The following ZNF607 variants were observed in gnomAD, a reference collection of about 807,000 sequenced individuals.
The protein encoded by ZNF607 is zinc finger protein 607.
Under a neutral mutation model 12.8 loss-of-function variants are expected in ZNF607, and 5 were observed. That is an observed-to-expected ratio of 0.39 (90% CI 0.20 to 0.82). The LOEUF is 0.82. Among genes scored for constraint, ZNF607 ranks in the 40% least tolerant of loss-of-function variants. The pLI, the probability that ZNF607 is intolerant of heterozygous loss-of-function variation, is 0.39. For synonymous variants in ZNF607, 287 were observed against 276.2 expected, an observed-to-expected ratio of 1.04 and a Z score of -0.39; for missense variants, 851 against 859.2, an observed-to-expected ratio of 0.99 and a Z score of 0.12.
chr19:37,700,256 CT>C (rs772651502), intron 4 of ZNF607, among the ~76,000 whole-genome samples: 5 of 152,266 alleles, frequency 3.3e-5, no homozygotes, highest in South Asian at 2.1e-4. Context: ...ACCACACCCC[CT>C]GTATATAAAT....
intron 1 of ZNF607, among the ~76,000 whole-genome samples, chr19:37,713,050 T>C (rs1225669163): frequency 2.0e-5 from 3 of 152,016 alleles, no homozygotes; most frequent in East Asian, 1.9e-4. Context: ...GGATATCCTC[T>C]AGATAGCTGC....
intron 1 of ZNF607, among the ~76,000 whole-genome samples, chr19:37,715,861 A>G (rs2045172395): frequency 6.6e-6 from 1 of 152,194 alleles, no homozygotes; most frequent in Non-Finnish European, 1.5e-5. Flanking sequence ...AAATATTACC[A>G]TACTTGCAAG....
chr19:37,699,616 C>A lies in ZNF607; in HGVS notation c.515G>T (p.Cys172Phe). The change falls in exon 5 of 5, where the codon TGT becomes TTT. Residue 172 changes from cysteine to phenylalanine, a missense_variant. Transcript: ENST00000355202. ...KINAREKPYE[C>F]EECGKVFSYP... is the part of the protein sequence containing the mutation. The stretch of plus-strand genomic sequence containing the variant: ...ACTGAAGACCTTCCCACATTCTTCA[C>A]ATTCATAAGGTTTCTCACGAGCATT... 1.9e-6 allele frequency: 3 copies of A among 1,614,174 alleles called. No homozygotes were observed. Among genetic ancestry groups the A allele is most frequent in the Non-Finnish European group, 2.5e-6 (3 of 1,180,030 alleles).
chr19:37,698,062 A>G lies in ZNF607; in HGVS notation c.2069T>C (p.Val690Ala). ...RSFRLRSILE[V>A]HQRIHI Reference sequence around the variant, plus strand: ...CTATCAAATATGAATTCTCTGATGTACTTCAAGGATGGATCTAAGCCTAAA... The same window carrying G: ...CTATCAAATATGAATTCTCTGATGTGCTTCAAGGATGGATCTAAGCCTAAA... The change falls in exon 5 of 5, where the codon GTA becomes GCA. Residue 690 changes from valine (V) to alanine (A), a missense_variant. By Grantham distance (64) the Val-to-Ala change is moderately conservative (BLOSUM62 0). Coordinates refer to ENST00000355202, the MANE Select transcript of ZNF607 (RefSeq NM_032689.5). The G allele has an allele frequency of 6.2e-7, 1 of 1,600,198 alleles. No individual in the cohort carries two copies. The highest frequency in any genetic ancestry group is 1.1e-5 in the South Asian group (1 of 88,584).
intron 1 of ZNF607, among the ~76,000 whole-genome samples, chr19:37,714,894 T>A (rs1439287210): frequency 8.9e-6 from 1 of 112,946 alleles, no homozygotes; most frequent in African/African-American, 2.8e-5. Flanking sequence ...ATTCTGTTGC[T>A]TCCTGTTTTT....
intron 1 of ZNF607, among the ~76,000 whole-genome samples, chr19:37,717,115 C>A (rs1346298014): frequency 6.6e-6 from 1 of 152,212 alleles, no homozygotes; most frequent in Non-Finnish European, 1.5e-5. Context: ...CTCTGAAAAA[C>A]CAATTAAATA....
rs1192287849 is a variant in ZNF607, at chr19:37,711,647, C to T, written c.-29G>A. The T allele has an allele frequency of 1.2e-6, 2 of 1,613,230 alleles. No individual in the cohort carries two copies. Among genetic ancestry groups the T allele is most frequent in the Admixed American group, 1.7e-5 (1 of 59,954 alleles). ...TTGAGACTGGCAAGAGTTGATCAGT[C>T]CTTGGCGTTTCTCTACCAGAAGAGC... On this transcript the variant is annotated 5_prime_UTR_variant, in exon 2 of 5. Transcript: ENST00000355202.
rs368373326 is a variant in ZNF607, at chr19:37,698,053, C to A, written c.2078G>T (p.Arg693Ile). ...RLRSILEVHQ[R>I]IHI ...ACAATTTCTCTATCAAATATGAATT[C>A]TCTGATGTACTTCAAGGATGGATCT... Residue 693 changes from arginine (R) to isoleucine (I), a missense_variant, in exon 5 of 5, where the codon AGA (arginine) becomes ATA (isoleucine). Physicochemically the swap from Arg to Ile is moderately conservative, Grantham distance 97 (BLOSUM62 -3). Coordinates refer to ENST00000355202, the MANE Select transcript of ZNF607 (RefSeq NM_032689.5). The A allele has an allele frequency of 3.1e-6, 5 of 1,592,250 alleles. No individual in the cohort carries two copies. The highest frequency in any genetic ancestry group is 1.1e-5 in the South Asian group (1 of 87,082).
intron 1 of ZNF607, among the ~76,000 whole-genome samples, chr19:37,714,324 A>AACAACAACAACAACC (rs1345223196): frequency 6.7e-6 from 1 of 148,150 alleles, no homozygotes; most frequent in Non-Finnish European, 1.5e-5. Flanking sequence ...CAACAACAAC[A>AACAACAACAACAACC]ACAACAACAA....
At chr19:37,700,333 T>A (rs2089408965) in intron 4 of ZNF607, among the ~76,000 whole-genome samples, 2 of 152,136 alleles carry the variant, frequency 1.3e-5, no homozygotes, top group Non-Finnish European at 2.9e-5. Flanking sequence ...ATGGAAGAAT[T>A]CCAGCAGATT....
At chr19:37,709,588 AT>A in intron 3 of ZNF607, 107 bp downstream of exon 3, 1 of 1,287,998 alleles carries the variant, frequency 7.8e-7, no homozygotes. Flanking sequence ...GAGAAAATAA[AT>A]TTAGTTTCTT....
intron 4 of ZNF607, among the ~76,000 whole-genome samples, chr19:37,701,547 G>A (rs985534009): frequency 6.6e-6 from 1 of 152,150 alleles, no homozygotes; most frequent in Non-Finnish European, 1.5e-5. Context: ...ACAGCAGCAG[G>A]GGACACGTGC....
chr19:37,708,029 GT>G lies in ZNF607; in HGVS notation c.137-18del. 2.5e-6 allele frequency: 4 copies of G among 1,590,868 alleles called. No individual in the cohort carries two copies. The highest frequency in any genetic ancestry group is 3.4e-6 in the Non-Finnish European group (4 of 1,168,616). On this transcript the variant is annotated intron_variant, in intron 3 of 4. Coordinates refer to ENST00000355202, the MANE Select transcript of ZNF607 (RefSeq NM_032689.5). ...AATGTCCTGCTTACAAAGAAAAGAAGTGCCACAAAATACGGAAATCAACTTT... is the reference window on the plus strand; with the variant it reads ...AATGTCCTGCTTACAAAGAAAAGAAGGCCACAAAATACGGAAATCAACTTT...
intron 1 of ZNF607, among the ~76,000 whole-genome samples, chr19:37,712,737 T>C (rs975900488): frequency 1.3e-5 from 2 of 152,208 alleles, no homozygotes; most frequent in African/African-American, 4.8e-5. Context: ...AGCACGGACA[T>C]ATTAACTTGA....
chr19:37,707,646 G>T (rs1025754905), intron 4 of ZNF607, among the ~76,000 whole-genome samples: 4 of 151,990 alleles, frequency 2.6e-5, no homozygotes, highest in African/African-American at 9.7e-5. Context: ...ATGCACTTGT[G>T]GTCCCAGCTA....
chr19:37,715,712 A>G (rs1009257424), intron 1 of ZNF607, among the ~76,000 whole-genome samples: 2 of 152,184 alleles, frequency 1.3e-5, no homozygotes, highest in African/African-American at 4.8e-5. Flanking sequence ...ACATACATTC[A>G]AAGAACTGGA....
chr19:37,713,479 A>G (rs1420540094), intron 1 of ZNF607, among the ~76,000 whole-genome samples: 1 of 150,348 alleles, frequency 6.7e-6, no homozygotes, highest in Non-Finnish European at 1.5e-5. Context: ...TCTTTTGCCC[A>G]GGCTGGAGTG....
chr19:37,717,677 A>C (rs1425174421), intron 1 of ZNF607, among the ~76,000 whole-genome samples: 1 of 151,222 alleles, frequency 6.6e-6, no homozygotes, highest in East Asian at 2.0e-4. Flanking sequence ...ATGGTGGCCC[A>C]TGCTTGTAAT....
In ZNF607 at chr19:37,698,125, C is replaced by T; in HGVS notation, c.2006G>A (p.Gly669Asp). 6.2e-7 allele frequency: 1 copy of T among 1,614,078 alleles called. No homozygotes were observed. The highest frequency in any genetic ancestry group is 8.5e-7 in the Non-Finnish European group (1 of 1,180,010). ...ELSIHHRVHT[G>D]EKPFKCNKCR... ...TTTGTTACATTTAAAGGGTTTCTCA[C>T]CAGTATGAACTCTATGATGTATACT... Residue 669 changes from glycine to aspartate, a missense_variant, in exon 5 of 5, where the codon GGT becomes GAT. Physicochemically the swap from Gly to Asp is moderately conservative, Grantham distance 94. Coordinates refer to ENST00000355202, the MANE Select transcript of ZNF607 (RefSeq NM_032689.5).
Sources: allele counts gnomAD v4.1 joint callset (sites outside exome capture counted in the v4.1 genomes callset), GRCh38; gene constraint gnomAD v4.1.1; transcripts MANE v1.5; gene names NCBI Gene and HGNC (gene_info 2026-07-23, HGNC 2026-07-21).